Variants in YEATS2 observed in about 807,000 individuals in gnomAD.
YEATS2 encodes the protein YEATS domain containing 2.
In YEATS2, 77 loss-of-function variants were observed where a neutral mutation model predicts 163.2. The observed-to-expected ratio is 0.47, with a 90% CI of 0.39 to 0.57. The LOEUF (loss-of-function observed/expected upper bound fraction) is 0.57. Ranked by LOEUF, YEATS2 falls within the 20% of genes least tolerant of loss-of-function variation. The pLI, the probability that YEATS2 is intolerant of heterozygous loss-of-function variation, is 0.00. For missense variants in YEATS2, 1,549 were observed against 1,729.8 expected (o/e 0.90, Z 1.85); for synonymous variants, 631 against 645.1 (o/e 0.98, Z 0.33).
chr3:183,767,265 G>C (rs995274361), intron 15 of YEATS2, among the ~76,000 whole-genome samples: 1 of 152,138 alleles, frequency 6.6e-6, no homozygotes, highest in African/African-American at 2.4e-5. Flanking sequence ...TAGCTCCGTT[G>C]CCCAGGCTGG....
At chr3:183,779,707 A>G (rs1022874974) in intron 19 of YEATS2, among the ~76,000 whole-genome samples, 4 of 151,830 alleles carry the variant, frequency 2.6e-5, no homozygotes, top group Non-Finnish European at 4.4e-5. Context: ...TATTTTTTAT[A>G]TATTTTTTTG....
chr3:183,719,903 T>TC (rs1159727189), intron 4 of YEATS2, among the ~76,000 whole-genome samples: 2 of 152,184 alleles, frequency 1.3e-5, no homozygotes, highest in African/African-American at 4.8e-5. Context: ...CCTACCTTTT[T>TC]CCCTCCATGA....
chr3:183,773,957 A>G (rs1722728258), intron 17 of YEATS2, among the ~76,000 whole-genome samples, 163 bp downstream of exon 17: 1 of 152,202 alleles, frequency 6.6e-6, no homozygotes, highest in South Asian at 2.1e-4. Context: ...ACATACGATA[A>G]TTTAACTAGA....
Position 183,793,611 on chromosome 3 carries a change from T to TTTC in YEATS2, c.3097+2633_3097+2634insCTT, listed in dbSNP as rs1724871220. ...TCTGTATCACATTTTCTTTCTTTCT[T>TTTC]TTTTTTTTTTTTTTTTTTGAGATGG... On this transcript the variant is annotated intron_variant, in intron 21 of 30. Coordinates refer to ENST00000305135, the MANE Select transcript of YEATS2 (RefSeq NM_018023.5). 2.0e-5 allele frequency: 4 copies of TTTC among 195,862 alleles called. No individual in the cohort carries two copies. In the Admixed American group the frequency reaches 2.1e-4, roughly 10 times the overall value. The allele number at this position is 195,862 out of a possible 1,614,324, so 12.1% of individuals were successfully genotyped here. A position where few individuals can be genotyped will look rare whatever the true frequency, so the allele number is the denominator to read the frequency against.
chr3:183,772,397 C>T lies in YEATS2; in HGVS notation c.2040C>T (p.Ser680=). ...SGGQILVAKA[S]SSVSKAVGPK... is the part of the protein sequence containing the mutation. ...GCCAGATCCTGGTAGCCAAGGCCAG[C>T]TCTTCTGTCTCCAAAGCAGTTGGGC... The change falls in exon 16 of 31, where the codon AGC becomes AGT. Residue 680 remains serine (S), a synonymous_variant. Coordinates refer to ENST00000305135, the MANE Select transcript of YEATS2 (RefSeq NM_018023.5). The T allele has an allele frequency of 6.2e-7, 1 of 1,614,222 alleles. No individual in the cohort carries two copies. Among genetic ancestry groups the T allele is most frequent in the Non-Finnish European group, 8.5e-7 (1 of 1,180,032 alleles).
chr3:183,713,995 G>A (rs1033439760), intron 1 of YEATS2, among the ~76,000 whole-genome samples: 13 of 152,070 alleles, frequency 8.5e-5, no homozygotes, highest in South Asian at 4.2e-4. Context: ...AGTAGAGATG[G>A]GGTTTCACCA....
At chr3:183,706,593 G>A (rs903491770) in intron 1 of YEATS2, among the ~76,000 whole-genome samples, 1 of 152,196 alleles carries the variant, frequency 6.6e-6, no homozygotes, top group African/African-American at 2.4e-5. Flanking sequence ...AAGACGGGCA[G>A]ATCACCTGAG....
rs117775770 is a variant in YEATS2, at chr3:183,707,825, C to G, written c.-19-7319C>G. Among the ~76,000 whole-genome samples the G allele has an allele frequency of 1.8e-3, 273 of 151,726 alleles. 5 individuals carry two copies. The East Asian group carries it at 0.047, about 26-fold the overall frequency. Reference sequence around the variant, plus strand: ...TGAGTAGCTGGGATAACAGTGCATGCCACCATGCCCAGCTAATTTTTTGTA... The same window carrying G: ...TGAGTAGCTGGGATAACAGTGCATGGCACCATGCCCAGCTAATTTTTTGTA... On this transcript the variant is annotated intron_variant, in intron 1 of 30. Coordinates refer to ENST00000305135, the MANE Select transcript of YEATS2 (RefSeq NM_018023.5).
chr3:183,807,453 CTCTT>C (rs1185254982), intron 28 of YEATS2: 8 of 299,392 alleles, frequency 2.7e-5, no homozygotes, highest in East Asian at 1.8e-4. Context: ...GCACGTCGTA[CTCTT>C]TCTGAGTTGC....
At chr3:183,799,361 G>T (rs181472915) in intron 23 of YEATS2, among the ~76,000 whole-genome samples, 2 of 152,306 alleles carry the variant, frequency 1.3e-5, no homozygotes, top group African/African-American at 4.8e-5. Flanking sequence ...TGTGGAGAAG[G>T]GCAAGACTTT....
At chr3:183,703,829 A>T (rs567918292) in intron 1 of YEATS2, among the ~76,000 whole-genome samples, 1 of 152,122 alleles carries the variant, frequency 6.6e-6, no homozygotes, top group Non-Finnish European at 1.5e-5. Context: ...GAAATGGATC[A>T]TATGTATTTG....
At chr3:183,708,278 C>T (rs1263528512) in intron 1 of YEATS2, among the ~76,000 whole-genome samples, 1 of 151,176 alleles carries the variant, frequency 6.6e-6, no homozygotes, top group Non-Finnish European at 1.5e-5. Flanking sequence ...TCTCCTGACT[C>T]AGCCTCCCGA....
intron 7 of YEATS2, among the ~76,000 whole-genome samples, chr3:183,731,297 CAA>C (rs63002261): frequency 4.0e-4 from 49 of 122,878 alleles, no homozygotes; most frequent in African/African-American, 7.9e-4. Context: ...GAGTCTGTCT[CAA>C]AAAAAAAAAA....
chr3:183,798,945 C>T lies in YEATS2; in HGVS notation c.3281C>T (p.Pro1094Leu). ...KPPAILPVAA[P>L]TPVVPSSAPA... ...CCTGCCATTCTGCCTGTAGCTGCCCCAACTCCAGTTGTCCCCAGCTCTGCT... is the reference window on the plus strand; with the variant it reads ...CCTGCCATTCTGCCTGTAGCTGCCCTAACTCCAGTTGTCCCCAGCTCTGCT... Residue 1094 changes from proline (P) to leucine (L), a missense_variant, in exon 23 of 31, where the codon CCA becomes CTA. Pro to Leu is a moderately conservative substitution (Grantham distance 98). Transcript: ENST00000305135. 1 of 1,614,162 alleles carries T rather than the reference C, an allele frequency of 6.2e-7. No individual in the cohort carries two copies. Among genetic ancestry groups the T allele is most frequent in the Non-Finnish European group, 8.5e-7 (1 of 1,180,024 alleles).
In YEATS2 at chr3:183,808,967, T is replaced by C. The variant is rs1024286676; in HGVS notation, c.4087-130T>C. ...GGTCTATTATTGAGGCCTTTAATTT[T>C]TTCTTAAGGACTTTTTAATCCCTAG... On this transcript the variant is annotated intron_variant, in intron 29 of 30. Coordinates refer to ENST00000305135, the MANE Select transcript of YEATS2 (RefSeq NM_018023.5). 45 of 808,734 alleles carry C rather than the reference T, an allele frequency of 5.6e-5. 1 individual carries two copies. The East Asian group carries it at 1.1e-3, about 19-fold the overall frequency. 50.1% of individuals were successfully genotyped at this position (808,734 alleles called of 1,614,324 possible). A position where few individuals can be genotyped will look rare whatever the true frequency, so the allele number is the denominator to read the frequency against.
At chr3:183,747,177 A>T (rs1719635688) in intron 8 of YEATS2, among the ~76,000 whole-genome samples, 1 of 152,104 alleles carries the variant, frequency 6.6e-6, no homozygotes, top group Non-Finnish European at 1.5e-5. Flanking sequence ...TTAAGTGCTT[A>T]GTAAATATAC....
At chr3:183,718,678 C>A in intron 4 of YEATS2, 86 bp downstream of exon 4, 1 of 1,052,362 alleles carries the variant, frequency 9.5e-7, no homozygotes, top group Non-Finnish European at 1.4e-6. Context: ...ATCCCTGCAT[C>A]TGAAACATTT....
intron 7 of YEATS2, among the ~76,000 whole-genome samples, chr3:183,734,455 G>T (rs1046493164): frequency 2.6e-5 from 4 of 152,198 alleles, no homozygotes; most frequent in Non-Finnish European, 5.9e-5. Flanking sequence ...AAAGGGCTTA[G>T]AACACTGATT....
intron 11 of YEATS2, 131 bp downstream of exon 11, chr3:183,754,496 G>T: frequency 1.6e-6 from 2 of 1,252,464 alleles, no homozygotes; most frequent in South Asian, 2.0e-5. Flanking sequence ...ACAAAAGGAA[G>T]TTTATCACTG....
Sources: allele counts gnomAD v4.1 joint callset (sites outside exome capture counted in the v4.1 genomes callset), GRCh38; gene constraint gnomAD v4.1.1; transcripts MANE v1.5; gene names NCBI Gene and HGNC (gene_info 2026-07-23, HGNC 2026-07-21).